IGSF11: variants seen among roughly 807,000 people sequenced by gnomAD.
IGSF11 encodes the protein immunoglobulin superfamily member 11.
Under a neutral mutation model 41.0 loss-of-function variants are expected in IGSF11, and 22 were observed. The ratio of observed to expected loss-of-function variants is 0.54; its 90% CI spans 0.38 to 0.77. IGSF11 has a LOEUF of 0.77. Among genes scored for constraint, IGSF11 ranks in the 30% least tolerant of loss-of-function variants. The pLI is 0.00. For synonymous variants in IGSF11, 219 were observed against 201.3 expected (o/e 1.09, Z -0.74); for missense variants, 444 against 530.8 (o/e 0.84, Z 1.61).
intron 1 of IGSF11, among the ~76,000 whole-genome samples, chr3:119,120,245 C>G (rs776065793): frequency 3.1e-4 from 47 of 152,188 alleles, no homozygotes; most frequent in Non-Finnish European, 6.0e-4. Context: ...AAGAGTGATC[C>G]CTAGAAAGCC....
Position 119,111,591 on chromosome 3 carries a change from C to T in IGSF11, c.-13-6386G>A, listed in dbSNP as rs551119099. Reference sequence around the variant, plus strand: ...CATCTGAAGCCTTCTTCTCTCAACTCGTCAAAGTCATTCTCCGTCCAGCTT... The same window carrying T: ...CATCTGAAGCCTTCTTCTCTCAACTTGTCAAAGTCATTCTCCGTCCAGCTT... On this transcript the variant is annotated intron_variant, in intron 1 of 7. Coordinates refer to the IGSF11 transcript ENST00000425327. Among the ~76,000 whole-genome samples the T allele has an allele frequency of 3.3e-5, 5 of 152,322 alleles. No homozygotes were observed. In the South Asian group the frequency reaches 1.0e-3, roughly 32 times the overall value.
intron 1 of IGSF11, 128 bp downstream of exon 1, chr3:119,034,403 C>T (rs1172441470): frequency 8.6e-6 from 8 of 928,590 alleles, no homozygotes; most frequent in Non-Finnish European, 1.2e-5. Context: ...ACGAACGCCG[C>T]CCCTGAGAAA....
intron 1 of IGSF11, among the ~76,000 whole-genome samples, chr3:119,063,564 T>G (rs1191929056): frequency 6.6e-6 from 1 of 152,218 alleles, no homozygotes; most frequent in Non-Finnish European, 1.5e-5. Context: ...ATGGTTACAT[T>G]TTTTAGTCCC....
intron 1 of IGSF11, among the ~76,000 whole-genome samples, chr3:119,123,079 G>A (rs2077354888): frequency 6.6e-6 from 1 of 152,124 alleles, no homozygotes; most frequent in Admixed American, 6.5e-5. Context: ...TTCTTGGATG[G>A]CATTTCTAAA....
chr3:118,951,981 T>C (rs1378994846), intron 1 of IGSF11, among the ~76,000 whole-genome samples: 1 of 152,098 alleles, frequency 6.6e-6, no homozygotes, highest in Non-Finnish European at 1.5e-5. Context: ...CTCAGAGATA[T>C]TAGAGATTTG....
rs539831031 is a variant in IGSF11 at position 119,050,089 on chromosome 3, G to A, written c.49+55055C>T. Among the ~76,000 whole-genome samples the A allele has an allele frequency of 4.6e-3, 690 of 148,984 alleles. 13 individuals are homozygous for A. Among genetic ancestry groups the A allele is most frequent in the African/African-American group, 0.016 (661 of 40,494 alleles). On this transcript the variant is annotated intron_variant, in intron 1 of 6. Transcript: ENST00000354673. ...ATTACCATTCAGGACATAGGCATGG[G>A]CAAGGACTTCATGTCTAAAACACCA... is the stretch of plus-strand genomic sequence containing the variant.
chr3:118,935,387 CACACACACAT>C lies in IGSF11; in HGVS notation c.53-5122_53-5113del, dbSNP rs1293919517. 1.1e-3 allele frequency among the ~76,000 whole-genome samples: 144 copies of C among 132,914 alleles called. 3 individuals carry two copies. Among genetic ancestry groups the C allele is most frequent in the Admixed American group, 6.2e-3 (79 of 12,648 alleles). 87.2% of individuals were successfully genotyped at this position (132,914 alleles called of 152,430 possible). ...ACCCTGAGATATATACACACACACA[CACACACACAT>C]ACACACACACATATACATACGTATA... On this transcript the variant is annotated intron_variant, in intron 1 of 6. Transcript: ENST00000393775.
intron 1 of IGSF11, among the ~76,000 whole-genome samples, chr3:119,013,662 T>G (rs1938380282): frequency 6.6e-6 from 1 of 152,262 alleles, no homozygotes; most frequent in Non-Finnish European, 1.5e-5. Flanking sequence ...AAAGAATTTA[T>G]AGACACATAT....
intron 1 of IGSF11, among the ~76,000 whole-genome samples, chr3:119,134,436 C>A (rs984989720): frequency 2.0e-5 from 3 of 152,002 alleles, no homozygotes; most frequent in African/African-American, 4.8e-5. Flanking sequence ...AAACAGAGAG[C>A]CAAATCATGA....
At chr3:118,986,634 A>G (rs1216429793) in intron 1 of IGSF11, among the ~76,000 whole-genome samples, 4 of 152,220 alleles carry the variant, frequency 2.6e-5, no homozygotes. Flanking sequence ...ATGCATGTTA[A>G]GCAGTGGCTA....
chr3:119,105,235 A>T (rs2077003284), upstream of IGSF11: 2 of 1,280,458 alleles, frequency 1.6e-6, no homozygotes, highest in Non-Finnish European at 2.3e-6. Context: ...GGGAAGAGAG[A>T]CTTTATGTCA....
intron 6 of IGSF11, among the ~76,000 whole-genome samples, chr3:118,903,230 T>C (rs1284809175): frequency 1.3e-5 from 2 of 152,118 alleles, no homozygotes; most frequent in Non-Finnish European, 2.9e-5. Context: ...AGAGAATGTC[T>C]CTTCCAATAC....
intron 1 of IGSF11, among the ~76,000 whole-genome samples, chr3:119,122,842 A>G (rs1049068842): frequency 2.0e-5 from 3 of 152,198 alleles, no homozygotes; most frequent in Non-Finnish European, 2.9e-5. Context: ...ACCAGCAGTG[A>G]TACCCAGGTA....
rs764804105 is a variant in IGSF11, at chr3:118,904,814, A to C, written c.704-16T>G. On this transcript the variant is annotated splice_polypyrimidine_tract_variant and intron_variant, in intron 5 of 6. Transcript: ENST00000393775. ...CTGGGCTGGGCTGCAAAATATATTT[A>C]AGATATATTTAAAGAAAAGAGAAAG... is the stretch of plus-strand genomic sequence containing the variant. 10 of 1,576,022 alleles carry C rather than the reference A, an allele frequency of 6.3e-6. No individual in the cohort carries two copies. The Admixed American group carries it at 1.9e-4, about 30-fold the overall frequency.
In IGSF11 at chr3:118,945,759, T is replaced by C. The variant is rs182635971; in HGVS notation, c.53-15484A>G. On this transcript the variant is annotated intron_variant, in intron 1 of 6. Transcript: ENST00000393775. The stretch of plus-strand genomic sequence containing the variant: ...AGCAAATAAAAAATAAATAAAATTT[T>C]AAACACACAAATGAAATTAAAGGAA... The C allele has an allele frequency of 1.5e-4, 23 of 152,296 alleles. No homozygotes were observed. In the East Asian group the frequency reaches 2.1e-3, roughly 14 times the overall value. The allele number at this position is 152,296 out of a possible 1,614,324, so 9.4% of individuals were successfully genotyped here. A position where few individuals can be genotyped will look rare whatever the true frequency, so the allele number is the denominator to read the frequency against.
chr3:118,906,836 T>C (rs796269704), intron 4 of IGSF11, among the ~76,000 whole-genome samples: 45 of 152,318 alleles, frequency 3.0e-4, no homozygotes, highest in African/African-American at 1.1e-3. Context: ...ATCTTTACAA[T>C]TACCCTGAGG....
chr3:118,994,758 T>C (rs994061194), intron 1 of IGSF11, among the ~76,000 whole-genome samples: 2 of 152,194 alleles, frequency 1.3e-5, no homozygotes, highest in African/African-American at 2.4e-5. Flanking sequence ...CAGTATACCA[T>C]GTGCAAACTA....
chr3:118,914,399 G>A (rs977953674), intron 4 of IGSF11, among the ~76,000 whole-genome samples: 36 of 151,624 alleles, frequency 2.4e-4, no homozygotes, highest in African/African-American at 7.5e-4. Context: ...GTGGGTGCGC[G>A]CACCGTGTGC....
At chr3:118,986,958 C>T (rs923232094) in intron 1 of IGSF11, among the ~76,000 whole-genome samples, 5 of 152,138 alleles carry the variant, frequency 3.3e-5, no homozygotes, top group African/African-American at 7.2e-5. Context: ...TAGAACACAG[C>T]GGTAAAGGAG....
Sources: gnomAD v4.1 joint callset for allele counts (sites outside exome capture counted in the v4.1 genomes callset) on GRCh38, gnomAD v4.1.1 for gene constraint, MANE v1.5 for transcripts, NCBI Gene and HGNC (gene_info 2026-07-23, HGNC 2026-07-21) for gene names.